Variants in COL26A1 observed in about 807,000 individuals in gnomAD.
COL26A1 encodes collagen alpha-1(XXVI) chain.
In COL26A1, 41 loss-of-function variants were observed where a neutral mutation model predicts 59.3. The ratio of observed to expected loss-of-function variants is 0.69; its 90% confidence interval spans 0.54 to 0.90. COL26A1 has a LOEUF of 0.90. COL26A1 is among the 40% of genes least tolerant of loss of function. COL26A1 has a pLI of 0.00. For synonymous variants in COL26A1, 266 were observed against 256.0 expected, an observed-to-expected ratio of 1.04 and a Z score of -0.37; for missense variants, 612 against 602.3, an observed-to-expected ratio of 1.02 and a Z score of -0.17.
chr7:101,505,484 G>T (rs1794794810), intron 3 of COL26A1, among the ~76,000 whole-genome samples: 1 of 152,156 alleles, frequency 6.6e-6, no homozygotes, highest in Non-Finnish European at 1.5e-5. Context: ...TTGTTAAGGA[G>T]TATTAACTCA....
At chr7:101,459,671 G>C (rs1039762938) in intron 3 of COL26A1, among the ~76,000 whole-genome samples, 5 of 152,042 alleles carry the variant, frequency 3.3e-5, no homozygotes, top group African/African-American at 1.2e-4. Context: ...TGTTGTAGAA[G>C]AGATTTACCA....
intron 3 of COL26A1, among the ~76,000 whole-genome samples, chr7:101,520,749 C>T (rs1795127831): frequency 6.6e-6 from 1 of 151,256 alleles, no homozygotes; most frequent in East Asian, 1.9e-4. Context: ...CCTTCCCCAG[C>T]AGCAGGGCCC....
intron 1 of COL26A1, among the ~76,000 whole-genome samples, chr7:101,383,989 A>C (rs1343172391): frequency 6.6e-6 from 1 of 151,200 alleles, no homozygotes; most frequent in Non-Finnish European, 1.5e-5. Context: ...TTTTTTAAGG[A>C]AGGCAATATT....
chr7:101,455,802 C>G (rs932870475), intron 3 of COL26A1, among the ~76,000 whole-genome samples: 19 of 152,188 alleles, frequency 1.2e-4, no homozygotes, highest in Non-Finnish European at 2.5e-4. Flanking sequence ...CCTGCCTCAG[C>G]CTCCCAAGTA....
chr7:101,525,172 T>A (rs1274342041), intron 3 of COL26A1, among the ~76,000 whole-genome samples: 1 of 32,458 alleles, frequency 3.1e-5, no homozygotes, highest in Non-Finnish European at 6.3e-5. Flanking sequence ...GACTTCATTC[T>A]TTTTTTTTTT....
intron 3 of COL26A1, among the ~76,000 whole-genome samples, chr7:101,484,296 T>C (rs1428326051): frequency 3.9e-5 from 6 of 152,160 alleles, no homozygotes; most frequent in South Asian, 4.1e-4. Flanking sequence ...AAGGAACTTA[T>C]GCAAGATGCC....
intron 8 of COL26A1, among the ~76,000 whole-genome samples, 155 bp from the exon 9 acceptor site, chr7:101,549,016 C>T (rs115034643): frequency 0.012 from 1,894 of 152,254 alleles, 47 homozygotes; most frequent in African/African-American, 0.044. Context: ...ATGGAGACCT[C>T]GTTGAGAGGG....
chr7:101,380,868 C>T (rs768448546), intron 1 of COL26A1, among the ~76,000 whole-genome samples: 2 of 152,162 alleles, frequency 1.3e-5, no homozygotes, highest in Admixed American at 6.6e-5. Context: ...CCATAACTAA[C>T]GAATTGATAA....
At chr7:101,504,144 A>G (rs1409416156) in intron 3 of COL26A1, among the ~76,000 whole-genome samples, 1 of 151,936 alleles carries the variant, frequency 6.6e-6, no homozygotes, top group Non-Finnish European at 1.5e-5. Context: ...TCCATCACCC[A>G]GGCTGGAGTG....
intron 4 of COL26A1, among the ~76,000 whole-genome samples, chr7:101,536,298 G>A (rs1795481054): frequency 6.6e-6 from 1 of 152,260 alleles, no homozygotes; most frequent in Non-Finnish European, 1.5e-5. Flanking sequence ...ACAGGCATGA[G>A]CCACTGTGCC....
At chr7:101,400,023 T>C (rs1791953810) in intron 1 of COL26A1, among the ~76,000 whole-genome samples, 1 of 152,114 alleles carries the variant, frequency 6.6e-6, no homozygotes, top group South Asian at 2.1e-4. Flanking sequence ...GTACAGTGGC[T>C]GCGAGTGCTG....
In COL26A1 at chr7:101,392,684, G is replaced by A. The variant is rs530860658; in HGVS notation, c.159-27293G>A. Among the ~76,000 whole-genome samples, 4 of 152,202 alleles carry A rather than the reference G, an allele frequency of 2.6e-5. No homozygotes were observed. In the South Asian group the frequency reaches 6.2e-4, roughly 24 times the overall value. On this transcript the variant is annotated intron_variant, in intron 1 of 12. Coordinates refer to ENST00000313669, the MANE Select transcript of COL26A1 (RefSeq NM_001278563.3). ...CCCAAAGTGCTGGGACTACAGGGATGAGCCATTGCACCTGGCCAAAAACCA... is the reference window on the plus strand; with the variant it reads ...CCCAAAGTGCTGGGACTACAGGGATAAGCCATTGCACCTGGCCAAAAACCA...
chr7:101,496,623 C>T (rs530551870), intron 3 of COL26A1, among the ~76,000 whole-genome samples: 29 of 152,194 alleles, frequency 1.9e-4, no homozygotes, highest in African/African-American at 7.0e-4. Flanking sequence ...TGGACAGGGG[C>T]GGTGGCTCAC....
chr7:101,553,198 G>A, intron 10 of COL26A1, 128 bp from the exon 11 acceptor site: 1 of 772,614 alleles, frequency 1.3e-6, no homozygotes, highest in Non-Finnish European at 2.2e-6. Flanking sequence ...CCTGGGCCCA[G>A]CACCCGTTTC....
chr7:101,473,161 G>C (rs1489449017), intron 3 of COL26A1, among the ~76,000 whole-genome samples: 1 of 151,498 alleles, frequency 6.6e-6, no homozygotes, highest in Non-Finnish European at 1.5e-5. Flanking sequence ...CTCACTGCAA[G>C]CTCCACCTCC....
At chr7:101,408,615 T>TGGCCTTTGATTTGTAGA (rs1271522686) in intron 1 of COL26A1, among the ~76,000 whole-genome samples, 1 of 152,234 alleles carries the variant, frequency 6.6e-6, no homozygotes, top group African/African-American at 2.4e-5. Context: ...CAGCCTGGGA[T>TGGCCTTTGATTTGTAGA]GGCCTTTGAT....
chr7:101,454,721 GT>G (rs1793429163), intron 3 of COL26A1, among the ~76,000 whole-genome samples: 1 of 152,174 alleles, frequency 6.6e-6, no homozygotes, highest in Non-Finnish European at 1.5e-5. Flanking sequence ...GAAAATATGT[GT>G]GTTAGATAAG....
chr7:101,405,678 C>T (rs911268089), intron 1 of COL26A1, among the ~76,000 whole-genome samples: 6 of 152,134 alleles, frequency 3.9e-5, no homozygotes, highest in East Asian at 1.9e-4. Flanking sequence ...CTATAGAAAG[C>T]GCTTGGCACC....
At chr7:101,419,874 C>A (rs769547663) in intron 1 of COL26A1, 103 bp from the exon 2 acceptor site, 1 of 1,287,018 alleles carries the variant, frequency 7.8e-7, no homozygotes, top group African/African-American at 1.5e-5. Flanking sequence ...GAGCCTCCAC[C>A]CCAGGTTTGC....
Sources: gnomAD v4.1 joint callset for allele counts (sites outside exome capture counted in the v4.1 genomes callset) on GRCh38, gnomAD v4.1.1 for gene constraint, MANE v1.5 for transcripts, NCBI Gene and HGNC (gene_info 2026-07-23, HGNC 2026-07-21) for gene names.